Variants in SH3TC2 observed in about 807,000 individuals in gnomAD.
SH3TC2 encodes the protein SH3 domain and tetratricopeptide repeat-containing protein 2.
In SH3TC2, 87 loss-of-function variants were observed where a neutral mutation model predicts 124.5. The ratio of observed to expected loss-of-function variants is 0.70; its 90% confidence interval spans 0.59 to 0.84. SH3TC2 has a LOEUF of 0.84. Ranked by LOEUF, SH3TC2 falls within the 40% of genes least tolerant of loss-of-function variation. The pLI is 0.00. For synonymous variants in SH3TC2, 634 were observed against 628.5 expected (o/e 1.01, Z -0.13); for missense variants, 1,536 against 1,566.4 (o/e 0.98, Z 0.33).
rs1223446742 is a variant in SH3TC2 at position 149,000,799 on chromosome 5, C to T, written c.*3912G>A. 6.6e-6 allele frequency among the ~76,000 whole-genome samples: 1 copy of T among 152,168 alleles called. No individual in the cohort carries two copies. The highest frequency in any genetic ancestry group is 2.4e-5 in the African/African-American group (1 of 41,430). On this transcript the variant is annotated 3_prime_UTR_variant, in exon 17 of 17. Transcript: ENST00000515425. Reference sequence around the variant, plus strand: ...TACCAATGTGTCTGGGAGAAAGTTACCCTTCTGTTCCTCAGTTTACTCACC... The same window carrying T: ...TACCAATGTGTCTGGGAGAAAGTTATCCTTCTGTTCCTCAGTTTACTCACC...
chr5:149,012,309 G>A (rs564469133), intron 13 of SH3TC2, among the ~76,000 whole-genome samples: 7 of 152,304 alleles, frequency 4.6e-5, no homozygotes, highest in South Asian at 2.1e-4. Context: ...GACAAGTGAC[G>A]TTACAGATGG....
intron 9 of SH3TC2, among the ~76,000 whole-genome samples, chr5:149,029,543 T>A (rs1754145550): frequency 6.6e-6 from 1 of 151,700 alleles, no homozygotes; most frequent in South Asian, 2.1e-4. Context: ...GTGAGGCATC[T>A]GGGGGAAAAG....
intron 7 of SH3TC2, among the ~76,000 whole-genome samples, chr5:149,040,160 A>G (rs1247705607): frequency 6.6e-6 from 1 of 152,196 alleles, no homozygotes; most frequent in Admixed American, 6.5e-5. Flanking sequence ...CTTATGTGCC[A>G]GGCATTTCTA....
In SH3TC2 at chr5:149,013,327, C is replaced by A. The variant is rs558254211; in HGVS notation, c.3054-593G>T. ...TGATGGTTGTATCAAGGGTAGTTCC[C>A]CTGCCATTTAAGATGTGCCTTTGCT... On this transcript the variant is annotated intron_variant, in intron 12 of 16. Transcript: ENST00000515425. 5.3e-5 allele frequency among the ~76,000 whole-genome samples: 8 copies of A among 152,152 alleles called. No individual in the cohort carries two copies. In the East Asian group the frequency reaches 1.6e-3, roughly 30 times the overall value.
chr5:149,011,575 T>C (rs1753783526), intron 13 of SH3TC2, among the ~76,000 whole-genome samples: 1 of 152,216 alleles, frequency 6.6e-6, no homozygotes, highest in Admixed American at 6.5e-5. Context: ...GCTTCCTCTG[T>C]AAAATGGAAA....
At chr5:149,018,493 C>T (rs192461241) in intron 12 of SH3TC2, among the ~76,000 whole-genome samples, 1 of 152,274 alleles carries the variant, frequency 6.6e-6, no homozygotes, top group Admixed American at 6.5e-5. Context: ...TCTTACATGG[C>T]AGAAGGCAAG....
In SH3TC2 at chr5:149,004,997, T is replaced by G. The variant is rs944605943; in HGVS notation, c.3676-95A>C. 2.5e-5 allele frequency: 32 copies of G among 1,285,560 alleles called. No homozygotes were observed. In the African/African-American group the frequency reaches 3.9e-4, roughly 15 times the overall value. 79.6% of individuals were successfully genotyped at this position (1,285,560 alleles called of 1,614,324 possible). ...GTGCTGGCCACTCTAGTTTTTTTTG[T>G]TTGTTTGTTTGTTTGTTTGTTTGCC... On this transcript the variant is annotated intron_variant, in intron 16 of 16. Transcript: ENST00000515425.
chr5:148,984,800 G>C lies in SH3TC2; in HGVS notation c.*19911C>G, dbSNP rs1196770778. Among the ~76,000 whole-genome samples, 1 of 152,140 alleles carries C rather than the reference G, an allele frequency of 6.6e-6. No homozygotes were observed. The highest frequency in any genetic ancestry group is 1.5e-5 in the Non-Finnish European group (1 of 68,028). On this transcript the variant is annotated 3_prime_UTR_variant, in exon 17 of 17. Coordinates refer to ENST00000515425, the MANE Select transcript of SH3TC2 (RefSeq NM_024577.4). ...TAAGAGAACTTATACTCAGAAGGAG[G>C]CATCTGCTTCCTGCTTCACCTTGAA...
At chr5:149,054,611 T>C (rs921728072) in intron 1 of SH3TC2, among the ~76,000 whole-genome samples, 1 of 152,178 alleles carries the variant, frequency 6.6e-6, no homozygotes, top group African/African-American at 2.4e-5. Flanking sequence ...CTTGACATCA[T>C]TTAGAAATTG....
rs77681885 is a variant in SH3TC2, at chr5:149,050,916, G to A, written c.151+1226C>T. ...TTTGAACAAGGCCCTTCCTCATCAC[G>A]TGTTAACTGTGTCGTGGTGAAGTCG... On this transcript the variant is annotated intron_variant, in intron 2 of 16. Transcript: ENST00000515425. 8.2e-4 allele frequency among the ~76,000 whole-genome samples: 125 copies of A among 152,280 alleles called. 2 individuals are homozygous for A. In the East Asian group the frequency reaches 0.021, roughly 26 times the overall value.
Position 148,989,838 on chromosome 5 carries a change from G to A in SH3TC2, c.*14873C>T, listed in dbSNP as rs1212818389. 6.6e-6 allele frequency among the ~76,000 whole-genome samples: 1 copy of A among 152,122 alleles called. No individual in the cohort carries two copies. The highest frequency in any genetic ancestry group is 2.4e-5 in the African/African-American group (1 of 41,420). On this transcript the variant is annotated 3_prime_UTR_variant, in exon 17 of 17. Transcript: ENST00000515425. ...TGAACGGAGAGAGAAGAACTATATA[G>A]CAACCAGGACATTTGGGAAATGTCC...
intron 16 of SH3TC2, 81 bp downstream of exon 16, chr5:149,006,800 A>G (rs1753697509): frequency 7.0e-7 from 1 of 1,420,564 alleles, no homozygotes; most frequent in African/African-American, 1.4e-5. Context: ...CTCCACCACA[A>G]AGGCTCCTCA....
intron 6 of SH3TC2, among the ~76,000 whole-genome samples, chr5:149,040,981 G>A (rs1754359767): frequency 6.6e-6 from 1 of 152,156 alleles, no homozygotes; most frequent in Admixed American, 6.5e-5. Context: ...GTGGGGTAAT[G>A]TTTACTGTCA....
intron 1 of SH3TC2, among the ~76,000 whole-genome samples, chr5:149,052,627 C>T (rs1738114545): frequency 6.6e-6 from 1 of 152,186 alleles, no homozygotes; most frequent in Non-Finnish European, 1.5e-5. Flanking sequence ...TGGAGACAGA[C>T]ATTGGCATCA....
intron 13 of SH3TC2, among the ~76,000 whole-genome samples, chr5:149,011,805 G>T (rs948268129): frequency 1.3e-5 from 2 of 152,136 alleles, no homozygotes; most frequent in African/African-American, 2.4e-5. Context: ...GTATATTTTT[G>T]TAGAATTAAA....
Position 148,993,551 on chromosome 5 carries a change from G to A in SH3TC2, c.*11160C>T, listed in dbSNP as rs886060132. Among the ~76,000 whole-genome samples, 4 of 152,178 alleles carry A rather than the reference G, an allele frequency of 2.6e-5. No homozygotes were observed. The highest frequency in any genetic ancestry group is 5.9e-5 in the Non-Finnish European group (4 of 68,026). ...CATTATTGGTGTTTTTAATGTTGTAGTTATAAGCATGGAGTCAAAACACCC... is the reference window on the plus strand; with the variant it reads ...CATTATTGGTGTTTTTAATGTTGTAATTATAAGCATGGAGTCAAAACACCC... On this transcript the variant is annotated 3_prime_UTR_variant, in exon 17 of 17. Coordinates refer to ENST00000515425, the MANE Select transcript of SH3TC2 (RefSeq NM_024577.4).
Position 148,994,285 on chromosome 5 carries a change from A to T in SH3TC2, c.*10426T>A, listed in dbSNP as rs1198850697. 5.9e-5 allele frequency among the ~76,000 whole-genome samples: 9 copies of T among 152,224 alleles called. No individual in the cohort carries two copies. Among genetic ancestry groups the T allele is most frequent in the Non-Finnish European group, 1.0e-4 (7 of 68,040 alleles). ...AACCTCTTTGAACTCATTTCTTCAC[A>T]TGTGTTATGTGAATAACTATACAAT... On this transcript the variant is annotated 3_prime_UTR_variant, in exon 17 of 17. Coordinates refer to ENST00000515425, the MANE Select transcript of SH3TC2 (RefSeq NM_024577.4).
In SH3TC2 at chr5:149,063,001, G is replaced by A; in HGVS notation, c.22C>T (p.Pro8Ser). 2 of 1,600,832 alleles carry A rather than the reference G, an allele frequency of 1.2e-6. No homozygotes were observed. The highest frequency in any genetic ancestry group is 1.7e-6 in the Non-Finnish European group (2 of 1,173,374). ...CCCCGGGTCAGACTCCGCTCCCTGG[G>A]GATGCAGAAGCAGCCACCCATGTGT... MGGCFCI[P>S]RERSLTRGPG... Residue 8 changes from proline to serine, a missense_variant, in exon 1 of 17, where the codon CCC becomes TCC. By Grantham distance (74) the Pro-to-Ser change is moderately conservative. Transcript: ENST00000515425.
intron 8 of SH3TC2, among the ~76,000 whole-genome samples, chr5:149,034,809 T>C (rs1754256046): frequency 6.6e-6 from 1 of 152,148 alleles, no homozygotes; most frequent in South Asian, 2.1e-4. Flanking sequence ...GAAAAAATGA[T>C]TCTCTGAAAA....
Sources: allele counts gnomAD v4.1 joint callset (sites outside exome capture counted in the v4.1 genomes callset), GRCh38; gene constraint gnomAD v4.1.1; transcripts MANE v1.5; gene names NCBI Gene and HGNC (gene_info 2026-07-23, HGNC 2026-07-21).